The following C16orf89 variants were observed in gnomAD, a reference collection of about 807,000 sequenced individuals.
The protein encoded by C16orf89 is chromosome 16 open reading frame 89, also known as UPF0764 protein C16orf89.
In C16orf89, 57 loss-of-function variants were observed where a neutral mutation model predicts 41.5. The observed-to-expected ratio is 1.38, with a 90% CI of 1.11 to 1.71. The LOEUF is 1.71. Ranked by LOEUF, C16orf89 falls within the 40% of genes most tolerant of loss-of-function variation. The pLI is 0.00. For synonymous variants in C16orf89, 223 were observed against 190.6 expected (o/e 1.17, Z -1.40); for missense variants, 575 against 445.9 (o/e 1.29, Z -2.61).
rs1956642563 is a variant in C16orf89 at position 5,062,313 on chromosome 16, T to A, written c.358+112A>T. 3 of 1,325,154 alleles carry A rather than the reference T, an allele frequency of 2.3e-6. No homozygotes were observed. The East Asian group carries it at 7.9e-5, about 35-fold the overall frequency. The allele number at this position is 1,325,154 out of a possible 1,614,324, so 82.1% of individuals were successfully genotyped here. ...GCTCAGCAGACAGGTCCAAGTTGGT[T>A]ACGGACTGTCCCAGCCCAGCCTTGC... On this transcript the variant is annotated intron_variant, in intron 2 of 7. Transcript: ENST00000472572.
chr16:5,047,800 A>G (rs1278499313), intron 7 of C16orf89, 78 bp downstream of exon 7: 5 of 839,892 alleles, frequency 6.0e-6, no homozygotes, highest in Non-Finnish European at 1.0e-5. Context: ...CTTCCATAGC[A>G]GAGAATAAAC....
intron 5 of C16orf89, 86 bp from the exon 6 acceptor site, chr16:5,055,436 C>A: frequency 7.9e-7 from 1 of 1,258,752 alleles, no homozygotes; most frequent in Non-Finnish European, 1.1e-6. Flanking sequence ...GTGCCACCTG[C>A]CTTCATCTGC....
intron 3 of C16orf89, among the ~76,000 whole-genome samples, chr16:5,059,694 C>A (rs1183310111): frequency 6.6e-6 from 1 of 152,134 alleles, no homozygotes; most frequent in Non-Finnish European, 1.5e-5. Context: ...AGGAGCCCAG[C>A]TAGGCTCAGT....
chr16:5,056,891 C>G (rs1596696851), intron 4 of C16orf89, among the ~76,000 whole-genome samples: 1 of 152,082 alleles, frequency 6.6e-6, no homozygotes, highest in East Asian at 1.9e-4. Context: ...GATTTCTGGA[C>G]ACTGAATCAC....
intron 1 of C16orf89, among the ~76,000 whole-genome samples, chr16:5,063,197 G>A (rs1007709508): frequency 6.6e-6 from 1 of 152,198 alleles, no homozygotes; most frequent in African/African-American, 2.4e-5. Flanking sequence ...CTGAGAGGGC[G>A]AGGGATGAAG....
At chr16:5,058,635 T>C in intron 3 of C16orf89, 25 bp from the exon 4 acceptor site, 2 of 1,565,358 alleles carry the variant, frequency 1.3e-6, no homozygotes, top group Non-Finnish European at 1.8e-6. Flanking sequence ...TTCCAAGCTG[T>C]TAAGGATGGA....
rs973835737 is a variant in C16orf89, at chr16:5,060,946, T to A, written c.359-510A>T. ...AGAATGCAGTGAGCTATGATCAGCC[T>A]TTTTTTTTTTTTTTTTTTTTTTTAA... is the stretch of plus-strand genomic sequence containing the variant. On this transcript the variant is annotated intron_variant, in intron 2 of 7. Coordinates refer to ENST00000472572, the MANE Select transcript of C16orf89 (RefSeq NM_001098514.3). 1.6e-4 allele frequency among the ~76,000 whole-genome samples: 7 copies of A among 43,758 alleles called. No individual in the cohort carries two copies. The South Asian group carries it at 5.5e-3, about 34-fold the overall frequency. 28.7% of individuals were successfully genotyped at this position (43,758 alleles called of 152,430 possible).
chr16:5,065,667 C>T (rs763916167), intron 1 of C16orf89, 34 bp downstream of exon 1: 4 of 1,582,038 alleles, frequency 2.5e-6, no homozygotes, highest in Admixed American at 1.7e-5. Context: ...GCTAGCTTCC[C>T]AGTGTCCAGC....
At chr16:5,061,716 T>C (rs148198535) in intron 2 of C16orf89, among the ~76,000 whole-genome samples, 347 of 152,170 alleles carry the variant, frequency 2.3e-3, no homozygotes, top group Middle Eastern at 6.8e-3. Flanking sequence ...TGGGCTATGG[T>C]CCCTGCGGCT....
At chr16:5,058,034 C>T (rs1168157611) in intron 4 of C16orf89, among the ~76,000 whole-genome samples, 2 of 152,124 alleles carry the variant, frequency 1.3e-5, no homozygotes, top group Admixed American at 1.3e-4. Context: ...CTACTTCTCC[C>T]TCCTGAGGTC....
At chr16:5,057,863 G>A (rs1197991485) in intron 4 of C16orf89, among the ~76,000 whole-genome samples, 1 of 151,870 alleles carries the variant, frequency 6.6e-6, no homozygotes, top group Non-Finnish European at 1.5e-5. Context: ...AGTTCTTTCT[G>A]ATGATTCTCT....
intron 7 of C16orf89, 122 bp downstream of exon 7, chr16:5,047,756 G>GGTTGGCCCAACATGAAGGGGCCAAC: frequency 1.4e-6 from 1 of 694,132 alleles, no homozygotes; most frequent in South Asian, 1.6e-5. Flanking sequence ...AAGGCCCTCT[G>GGTTGGCCCAACATGAAGGGGCCAAC]ATTAGTGCCC....
At chr16:5,054,803 G>C (rs1295361300) in intron 6 of C16orf89, among the ~76,000 whole-genome samples, 1 of 152,120 alleles carries the variant, frequency 6.6e-6, no homozygotes, top group African/African-American at 2.4e-5. Context: ...GTTTTATAAG[G>C]GGTTTCCCTT....
In C16orf89 at chr16:5,064,976, A is replaced by T. The variant is rs186458936; in HGVS notation, c.208+725T>A. Among the ~76,000 whole-genome samples, 163 of 152,332 alleles carry T rather than the reference A, an allele frequency of 1.1e-3. 2 individuals are homozygous for T. The highest frequency in any genetic ancestry group is 8.9e-3 in the South Asian group (43 of 4,828). On this transcript the variant is annotated intron_variant, in intron 1 of 7. Transcript: ENST00000472572. The stretch of plus-strand genomic sequence containing the variant: ...TGGGTTGTGCCCACATTGAGCAGAT[A>T]CTTAGTGAACTACAGCTTTTGCTAT...
At position 5,056,067 on chromosome 16, in the gene C16orf89, A is replaced by T. The variant is rs1423951409; in HGVS notation, c.749T>A (p.Ile250Asn). The T allele has an allele frequency of 6.3e-7, 1 of 1,593,856 alleles. No individual in the cohort carries two copies. Among genetic ancestry groups the T allele is most frequent in the Admixed American group, 1.7e-5 (1 of 59,486 alleles). ...GCTGGCCATACTGTTTTCCATGAAG[A>T]TGTCCCGGGTAGGGTAGGCGTATCC... The part of the protein sequence containing the change: ...AIGYAYPTRD[I>N]FMENIMFCGM... The change falls in exon 5 of 8, where the codon ATC (isoleucine) becomes AAC (asparagine). Residue 250 changes from isoleucine to asparagine, a missense_variant. Coordinates refer to ENST00000472572, the MANE Select transcript of C16orf89 (RefSeq NM_001098514.3).
chr16:5,061,192 A>G lies in C16orf89; in HGVS notation c.359-756T>C, dbSNP rs1200106050. Among the ~76,000 whole-genome samples, 6 of 145,702 alleles carry G rather than the reference A, an allele frequency of 4.1e-5. No individual in the cohort carries two copies. In the Admixed American group the frequency reaches 4.1e-4, roughly 10 times the overall value. Reference sequence around the variant, plus strand: ...CAGGAGAATAGCATGAACCCGGGAGACAGAGCTTGCAGTGAGCCGAGATTG... The same window carrying G: ...CAGGAGAATAGCATGAACCCGGGAGGCAGAGCTTGCAGTGAGCCGAGATTG... On this transcript the variant is annotated intron_variant, in intron 2 of 7. Transcript: ENST00000472572.
rs775368270 is a variant in C16orf89 at position 5,055,242 on chromosome 16, T to G, written c.868+4A>C. Reference sequence around the variant, plus strand: ...TTCTTAGCCAGGGCAGCAGCGCAGCTCACCAGGCTCCCCGAAGCATCCTTC... The same window carrying G: ...TTCTTAGCCAGGGCAGCAGCGCAGCGCACCAGGCTCCCCGAAGCATCCTTC... On this transcript the variant is annotated splice_donor_region_variant and intron_variant, in intron 6 of 7. Coordinates refer to ENST00000472572, the MANE Select transcript of C16orf89 (RefSeq NM_001098514.3). 1.3e-6 allele frequency: 2 copies of G among 1,597,218 alleles called. No homozygotes were observed. The highest frequency in any genetic ancestry group is 1.7e-5 in the Admixed American group (1 of 59,468).
downstream of C16orf89, chr16:5,043,544 G>A (rs975900432): frequency 6.6e-6 from 1 of 152,200 alleles, no homozygotes; most frequent in Non-Finnish European, 1.5e-5. Context: ...GCAATGTAAT[G>A]ATACAGCAGA....
At chr16:5,043,256 T>C (rs534046591), downstream of C16orf89, 5 of 154,052 alleles carry the variant, frequency 3.2e-5, no homozygotes, top group South Asian at 4.1e-4. Flanking sequence ...TGTCTCGTTA[T>C]GTTGCCCAGG....
Sources: gnomAD v4.1 joint callset for allele counts (sites outside exome capture counted in the v4.1 genomes callset) on GRCh38, gnomAD v4.1.1 for gene constraint, MANE v1.5 for transcripts, NCBI Gene and HGNC (gene_info 2026-07-23, HGNC 2026-07-21) for gene names.